Variants in LATS2 observed in about 807,000 individuals in gnomAD.
LATS2 encodes serine/threonine-protein kinase LATS2.
In LATS2, 24 loss-of-function variants were observed where a neutral mutation model predicts 76.0. That is an observed-to-expected ratio of 0.32 (90% CI 0.23 to 0.44). The LOEUF (loss-of-function observed/expected upper bound fraction) is 0.44, where lower values mean the gene tolerates loss of function less well. Among genes scored for constraint, LATS2 ranks in the 20% least tolerant of loss-of-function variants. The pLI, the probability that LATS2 is intolerant of heterozygous loss-of-function variation, is 1.00. For synonymous variants in LATS2, 692 were observed against 635.4 expected, an observed-to-expected ratio of 1.09 and a Z score of -1.34; for missense variants, 1,286 against 1,481.2, an observed-to-expected ratio of 0.87 and a Z score of 2.16.
intron 2 of LATS2, among the ~76,000 whole-genome samples, chr13:21,000,337 C>T (rs572267587): frequency 6.6e-6 from 1 of 152,084 alleles, no homozygotes; most frequent in African/African-American, 2.4e-5. Flanking sequence ...GCCGAGATTG[C>T]ACCACTGTAC....
intron 2 of LATS2, among the ~76,000 whole-genome samples, chr13:21,021,785 G>T (rs1266485220): frequency 1.3e-5 from 2 of 152,206 alleles, no homozygotes; most frequent in Admixed American, 6.5e-5. Flanking sequence ...GAACAGTGCT[G>T]CTCCTGGGGT....
intron 2 of LATS2, among the ~76,000 whole-genome samples, chr13:21,003,131 C>T (rs371583865): frequency 2.2e-4 from 33 of 152,180 alleles, no homozygotes; most frequent in African/African-American, 7.0e-4. Context: ...ATAATTAACA[C>T]AAAGATTTAA....
chr13:21,027,549 T>C (rs1009879397), intron 2 of LATS2, among the ~76,000 whole-genome samples: 13 of 152,196 alleles, frequency 8.5e-5, no homozygotes, highest in African/African-American at 2.7e-4. Context: ...CCCATGTAAG[T>C]GTGGGTCTAT....
intron 2 of LATS2, among the ~76,000 whole-genome samples, chr13:20,998,813 G>A (rs1870891177): frequency 6.6e-6 from 1 of 152,234 alleles, no homozygotes; most frequent in East Asian, 1.9e-4. Flanking sequence ...TCCACACGGG[G>A]CGGGGGCCGC....
chr13:21,040,769 G>A (rs1440575085), intron 2 of LATS2, among the ~76,000 whole-genome samples: 1 of 152,094 alleles, frequency 6.6e-6, no homozygotes, highest in African/African-American at 2.4e-5. Context: ...ATGTATGGAT[G>A]CCCAGGGAAT....
At chr13:21,059,017 A>G (rs977187239) in intron 1 of LATS2, among the ~76,000 whole-genome samples, 1 of 152,122 alleles carries the variant, frequency 6.6e-6, no homozygotes, top group African/African-American at 2.4e-5. Context: ...ATAATCAGCC[A>G]TGAGTTACTT....
chr13:21,023,646 T>TAAAAAAAAAAAAAAA (rs1169391710), intron 2 of LATS2, among the ~76,000 whole-genome samples: 1 of 70,052 alleles, frequency 1.4e-5, no homozygotes, highest in African/African-American at 7.5e-5. Context: ...TGACTGGCTT[T>TAAAAAAAAAAAAAAA]AAAAAAAAAA....
chr13:20,979,017 C>A (rs748799507), intron 7 of LATS2, among the ~76,000 whole-genome samples: 27 of 152,136 alleles, frequency 1.8e-4, no homozygotes, highest in Non-Finnish European at 3.4e-4. Flanking sequence ...CCACCTTGGC[C>A]TTCCAAAGTG....
At chr13:21,040,686 G>C (rs1012591429) in intron 2 of LATS2, among the ~76,000 whole-genome samples, 17 of 152,170 alleles carry the variant, frequency 1.1e-4, no homozygotes, top group Admixed American at 9.8e-4. Context: ...CAGGGTCTGG[G>C]AGGCCCCAGG....
intron 7 of LATS2, among the ~76,000 whole-genome samples, chr13:20,976,466 A>C (rs1330052421): frequency 6.6e-6 from 1 of 152,232 alleles, no homozygotes; most frequent in African/African-American, 2.4e-5. Context: ...AAAAATTTAA[A>C]ACTTTTGTGC....
intron 2 of LATS2, among the ~76,000 whole-genome samples, chr13:21,028,378 C>T (rs1006628656): frequency 3.3e-5 from 5 of 152,060 alleles, no homozygotes; most frequent in Middle Eastern, 3.4e-3. Flanking sequence ...TGAATAGTGC[C>T]GCAATAAACA....
chr13:20,985,867 G>A (rs1350794708), intron 4 of LATS2, among the ~76,000 whole-genome samples: 1 of 118,716 alleles, frequency 8.4e-6, no homozygotes, highest in Non-Finnish European at 1.8e-5. Flanking sequence ...ACAACATGGT[G>A]AAACCCTGTC....
At chr13:21,060,769 CG>C (rs1484113443) in intron 1 of LATS2, among the ~76,000 whole-genome samples, 1 of 151,118 alleles carries the variant, frequency 6.6e-6, no homozygotes, top group African/African-American at 2.4e-5. Flanking sequence ...GCCAACAGGG[CG>C]GGCTCTGAAG....
At chr13:21,019,961 T>G in intron 2 of LATS2, among the ~76,000 whole-genome samples, 1 of 143,370 alleles carries the variant, frequency 7.0e-6, no homozygotes, top group African/African-American at 2.6e-5. Flanking sequence ...GTAACAGGAG[T>G]GAGACTCCAT....
chr13:21,051,052 T>C (rs73445510), intron 1 of LATS2, among the ~76,000 whole-genome samples: 3,686 of 152,344 alleles, frequency 0.024, 131 homozygotes, highest in African/African-American at 0.084. Context: ...TGATCATGTC[T>C]GCCCTCTAGA....
At chr13:20,993,620 C>T (rs996264246) in intron 2 of LATS2, among the ~76,000 whole-genome samples, 1 of 151,908 alleles carries the variant, frequency 6.6e-6, no homozygotes, top group African/African-American at 2.4e-5. Flanking sequence ...TAAGAACAGA[C>T]CTGTTTGTTA....
intron 4 of LATS2, among the ~76,000 whole-genome samples, chr13:20,985,083 T>C (rs1870081232): frequency 6.6e-6 from 1 of 152,192 alleles, no homozygotes; most frequent in Non-Finnish European, 1.5e-5. Flanking sequence ...TAGATATCCA[T>C]ATGCAGAAGA....
intron 1 of LATS2, among the ~76,000 whole-genome samples, chr13:21,048,221 G>A (rs534914896): frequency 7.2e-5 from 11 of 152,306 alleles, no homozygotes; most frequent in Admixed American, 2.0e-4. Flanking sequence ...CGACAAAAAC[G>A]GAGAGGTTCT....
chr13:21,054,323 G>T (rs921937138), intron 1 of LATS2, among the ~76,000 whole-genome samples: 3 of 152,060 alleles, frequency 2.0e-5, no homozygotes, highest in Admixed American at 1.3e-4. Context: ...GCTGGAAATC[G>T]CTTGAACCTG....
Sources: gnomAD v4.1 joint callset for allele counts (sites outside exome capture counted in the v4.1 genomes callset) on GRCh38, gnomAD v4.1.1 for gene constraint, MANE v1.5 for transcripts, NCBI Gene and HGNC (gene_info 2026-07-23, HGNC 2026-07-21) for gene names.